PLCB1: variants seen among roughly 807,000 people sequenced by gnomAD.
PLCB1 encodes phospholipase C beta 1, also known as 1-phosphatidylinositol 4,5-bisphosphate phosphodiesterase beta-1.
A neutral mutation model predicts 161.8 loss-of-function variants in PLCB1; 46 were observed. That is an observed-to-expected ratio of 0.28 (90% CI 0.22 to 0.36). The LOEUF is 0.36. Ranked by LOEUF, PLCB1 falls within the 10% of genes least tolerant of loss-of-function variation. The pLI is 1.00. For missense variants in PLCB1, 1,016 were observed against 1,472.5 expected (o/e 0.69, Z 5.07); for synonymous variants, 517 against 503.7 (o/e 1.03, Z -0.35).
chr20:8,726,753 A>G (rs930719052), intron 16 of PLCB1, among the ~76,000 whole-genome samples: 9 of 152,096 alleles, frequency 5.9e-5, no homozygotes, highest in South Asian at 2.1e-4. Context: ...CATGTATCTA[A>G]TATGAAAATG....
intron 2 of PLCB1, among the ~76,000 whole-genome samples, chr20:8,235,506 C>T (rs934490440): frequency 3.3e-5 from 5 of 152,070 alleles, no homozygotes; most frequent in African/African-American, 1.2e-4. Context: ...TTAAAAATCT[C>T]TTACAAATTA....
intron 2 of PLCB1, among the ~76,000 whole-genome samples, chr20:8,319,108 T>C (rs989475649): frequency 6.6e-6 from 1 of 152,224 alleles, no homozygotes; most frequent in African/African-American, 2.4e-5. Flanking sequence ...ATGCAATGAC[T>C]GCTTTCTTAC....
chr20:8,246,544 G>T (rs1980889692), intron 2 of PLCB1, among the ~76,000 whole-genome samples: 1 of 151,882 alleles, frequency 6.6e-6, no homozygotes, highest in East Asian at 1.9e-4. Context: ...AGTGATCTCA[G>T]GTTCAACCAC....
At chr20:8,722,793 G>A (rs1979719661) in intron 15 of PLCB1, among the ~76,000 whole-genome samples, 1 of 152,106 alleles carries the variant, frequency 6.6e-6, no homozygotes, top group Admixed American at 6.6e-5. Context: ...CTTACCAAAA[G>A]TTTATACTGA....
At chr20:8,805,863 G>A (rs534840456) in intron 31 of PLCB1, among the ~76,000 whole-genome samples, 41 of 152,266 alleles carry the variant, frequency 2.7e-4, no homozygotes, top group African/African-American at 7.9e-4. Flanking sequence ...TACAACACCT[G>A]TGCCTCAATA....
chr20:8,758,529 T>A, intron 24 of PLCB1, among the ~76,000 whole-genome samples: 1 of 151,616 alleles, frequency 6.6e-6, no homozygotes. Context: ...TGCAGTAAGC[T>A]GAGATCGCAC....
At chr20:8,342,875 C>T (rs914588591) in intron 2 of PLCB1, among the ~76,000 whole-genome samples, 2 of 152,128 alleles carry the variant, frequency 1.3e-5, no homozygotes, top group African/African-American at 2.4e-5. Flanking sequence ...CAATAGGTAG[C>T]CCCACAGAAT....
intron 3 of PLCB1, among the ~76,000 whole-genome samples, chr20:8,567,910 C>T (rs1162524121): frequency 6.6e-6 from 1 of 152,128 alleles, no homozygotes; most frequent in African/African-American, 2.4e-5. Context: ...TCAATTTATA[C>T]TTTAAAGGGA....
chr20:8,516,413 G>C (rs1231370037), intron 3 of PLCB1, among the ~76,000 whole-genome samples: 3 of 152,056 alleles, frequency 2.0e-5, no homozygotes, highest in Non-Finnish European at 4.4e-5. Flanking sequence ...ACATGGCCAA[G>C]ATCAACATAA....
chr20:8,256,205 A>G (rs1038538458), intron 2 of PLCB1, among the ~76,000 whole-genome samples: 3 of 152,144 alleles, frequency 2.0e-5, no homozygotes, highest in Non-Finnish European at 2.9e-5. Context: ...CTATTGCTAT[A>G]TAACAACCAT....
intron 9 of PLCB1, among the ~76,000 whole-genome samples, chr20:8,684,136 G>T (rs1207619939): frequency 6.6e-6 from 1 of 151,932 alleles, no homozygotes; most frequent in Non-Finnish European, 1.5e-5. Flanking sequence ...TGCCCACCTT[G>T]GCCTCCCAAA....
chr20:8,848,048 A>G (rs552782833), intron 31 of PLCB1, among the ~76,000 whole-genome samples: 1 of 152,304 alleles, frequency 6.6e-6, no homozygotes, highest in South Asian at 2.1e-4. Context: ...AGAGAGACCA[A>G]TGCTATCAAA....
intron 2 of PLCB1, among the ~76,000 whole-genome samples, chr20:8,323,479 C>G (rs879776672): frequency 6.4e-4 from 97 of 152,138 alleles, no homozygotes; most frequent in Admixed American, 3.8e-3. Context: ...GTTGTCTTGT[C>G]TAGGGAGACC....
intron 24 of PLCB1, among the ~76,000 whole-genome samples, chr20:8,758,316 C>T (rs1034893609): frequency 6.6e-6 from 1 of 151,866 alleles, no homozygotes; most frequent in African/African-American, 2.4e-5. Flanking sequence ...CATGGTGGCT[C>T]ATGCCCGTAA....
In PLCB1 at chr20:8,646,236, T is replaced by G. The variant is rs1028321681; in HGVS notation, c.464+55T>G. The stretch of plus-strand genomic sequence containing the variant: ...CGTTGCTTCTTCTGAGTCAGTTTCC[T>G]TTCTCCTTTGTGAGTCTTCCGTTTA... On this transcript the variant is annotated intron_variant, in intron 5 of 31. Transcript: ENST00000338037. 2.5e-6 allele frequency: 3 copies of G among 1,195,028 alleles called. No homozygotes were observed. In the African/African-American group the frequency reaches 4.5e-5, roughly 18 times the overall value. 74.0% of individuals were successfully genotyped at this position (1,195,028 alleles called of 1,614,324 possible).
chr20:8,753,519 A>G (rs1017613504), intron 23 of PLCB1, among the ~76,000 whole-genome samples: 4 of 152,114 alleles, frequency 2.6e-5, no homozygotes, highest in Non-Finnish European at 4.4e-5. Flanking sequence ...CCTCTTCTCT[A>G]TGCCTTTGCT....
At chr20:8,327,821 T>C (rs976021848) in intron 2 of PLCB1, among the ~76,000 whole-genome samples, 2 of 152,156 alleles carry the variant, frequency 1.3e-5, no homozygotes, top group Non-Finnish European at 2.9e-5. Flanking sequence ...GTTGCCACCA[T>C]AGAAAATTAA....
chr20:8,540,847 T>G (rs1389795049), intron 3 of PLCB1, among the ~76,000 whole-genome samples: 1 of 152,140 alleles, frequency 6.6e-6, no homozygotes, highest in African/African-American at 2.4e-5. Context: ...CTCCTGAAAA[T>G]ACAACCTTCT....
rs1480406808 is a variant in PLCB1 at position 8,883,658 on chromosome 20, T to C, written c.*1809T>C. ...GATTACAATTAAATTTTAATCAAAA[T>C]GAAGGCTTAGTTCAAACATAAGGAA... On this transcript the variant is annotated 3_prime_UTR_variant, in exon 32 of 32. Transcript: ENST00000338037. 1 of 152,344 alleles carries C rather than the reference T, an allele frequency of 6.6e-6. No homozygotes were observed. Among genetic ancestry groups the C allele is most frequent in the Admixed American group, 6.6e-5 (1 of 15,236 alleles). The allele number at this position is 152,344 out of a possible 1,614,324, so 9.4% of individuals were successfully genotyped here.
Sources: allele counts gnomAD v4.1 joint callset (sites outside exome capture counted in the v4.1 genomes callset), GRCh38; gene constraint gnomAD v4.1.1; transcripts MANE v1.5; gene names NCBI Gene and HGNC (gene_info 2026-07-23, HGNC 2026-07-21).